TRPV1: variants seen among roughly 807,000 people sequenced by gnomAD.
TRPV1 encodes OTRPC1.
A neutral mutation model predicts 82.3 loss-of-function variants in TRPV1; 82 were observed. The observed-to-expected ratio is 1.00, with a 90% CI of 0.83 to 1.20. TRPV1 has a LOEUF of 1.20. TRPV1 is among the 50% of genes most tolerant of loss of function. TRPV1 has a pLI of 0.00. For synonymous variants in TRPV1, 515 were observed against 467.7 expected (o/e 1.10, Z -1.30); for missense variants, 1,067 against 1,096.8 (o/e 0.97, Z 0.38).
chr17:3,583,522 G>A, intron 9 of TRPV1, 92 bp from the exon 10 acceptor site: 1 of 1,061,998 alleles, frequency 9.4e-7, no homozygotes, highest in Non-Finnish European at 1.4e-6. Flanking sequence ...TCCCTGCCCA[G>A]GAGGCACAGC....
At chr17:3,583,831 C>T (rs993463112) in intron 9 of TRPV1, among the ~76,000 whole-genome samples, 2 of 152,244 alleles carry the variant, frequency 1.3e-5, no homozygotes, top group African/African-American at 2.4e-5. Context: ...CAGGGACTCC[C>T]ACTGACCATG....
At chr17:3,589,735 A>C in intron 7 of TRPV1, 72 bp downstream of exon 7, 5 of 1,511,936 alleles carry the variant, frequency 3.3e-6, no homozygotes, top group Non-Finnish European at 4.5e-6. Flanking sequence ...AGGCTCCCGC[A>C]GTGAGTCAGG....
At chr17:3,584,402 C>CAAGAAAAAAAAAAAAAA (rs2075057678) in intron 9 of TRPV1, among the ~76,000 whole-genome samples, 2 of 16,746 alleles carry the variant, frequency 1.2e-4, no homozygotes, top group African/African-American at 4.6e-4. Context: ...GACTCTGTCT[C>CAAGAAAAAAAAAAAAAA]AAAAAAAAAA....
intron 9 of TRPV1, among the ~76,000 whole-genome samples, chr17:3,584,483 A>G (rs923988995): frequency 1.3e-5 from 2 of 151,330 alleles, no homozygotes; most frequent in African/African-American, 2.4e-5. Context: ...GTTTCATGCA[A>G]TTATGAAGTT....
intron 2 of TRPV1, among the ~76,000 whole-genome samples, chr17:3,607,129 CCT>C (rs1196917942): frequency 6.6e-6 from 1 of 152,122 alleles, no homozygotes; most frequent in African/African-American, 2.4e-5. Flanking sequence ...AGGTGGATCA[CCT>C]GAGGTCAGGA....
intron 10 of TRPV1, among the ~76,000 whole-genome samples, chr17:3,581,690 T>C (rs1472364697): frequency 6.7e-6 from 1 of 149,228 alleles, no homozygotes; most frequent in Non-Finnish European, 1.5e-5. Flanking sequence ...ACCGAGACCA[T>C]CCTGGTTAAC....
At chr17:3,599,632 C>CTTTTTT (rs34701684) in intron 2 of TRPV1, among the ~76,000 whole-genome samples, 4,219 of 141,396 alleles carry the variant, frequency 0.03, 223 homozygotes, top group African/African-American at 0.097. Context: ...TTTTTCTTTT[C>CTTTTTT]TTTTTTTTTT....
chr17:3,586,220 T>C (rs161393), intron 8 of TRPV1, among the ~76,000 whole-genome samples: 48,195 of 152,010 alleles, frequency 0.32, 9,472 homozygotes, highest in East Asian at 0.77. Context: ...GCACTGCCCG[T>C]TGTGTCTAAT....
chr17:3,581,886 G>GA (rs36150459), intron 10 of TRPV1, among the ~76,000 whole-genome samples: 45 of 108,154 alleles, frequency 4.2e-4, no homozygotes, highest in African/African-American at 5.8e-4. Context: ...CTCCATCTCA[G>GA]AAAAAAAAAA....
chr17:3,580,377 C>A, intron 11 of TRPV1, 80 bp downstream of exon 11: 2 of 1,449,972 alleles, frequency 1.4e-6, no homozygotes, highest in Non-Finnish European at 1.9e-6. Context: ...GTGCCAGGCC[C>A]GGCGTGAGTG....
intron 2 of TRPV1, 44 bp from the exon 3 acceptor site, chr17:3,592,427 T>A: frequency 6.8e-7 from 1 of 1,479,762 alleles, no homozygotes; most frequent in Non-Finnish European, 9.0e-7. Flanking sequence ...AAGTAAGGAC[T>A]GCTTGTCCTT....
Position 3,600,261 on chromosome 17 carries a change from C to T in TRPV1, c.-33-7878G>A, listed in dbSNP as rs79350035. Among the ~76,000 whole-genome samples the T allele has an allele frequency of 5.3e-4, 80 of 152,252 alleles. 1 individual carries two copies. The East Asian group carries it at 0.014, about 26-fold the overall frequency. On this transcript the variant is annotated intron_variant, in intron 2 of 16. Coordinates refer to ENST00000572705, the MANE Select transcript of TRPV1 (RefSeq NM_080704.4). ...TCATGCTTCTTCTCCAGAACCATTG[C>T]CTTAGCCTCCAAAGTGATTTCTGCC...
Position 3,591,223 on chromosome 17 carries a change from T to C in TRPV1, c.415A>G (p.Lys139Glu). 1 of 1,612,696 alleles carries C rather than the reference T, an allele frequency of 6.2e-7. No individual in the cohort carries two copies. The highest frequency in any genetic ancestry group is 8.5e-7 in the Non-Finnish European group (1 of 1,179,540). Residue 139 changes from lysine (K) to glutamate (E), a missense_variant, in exon 4 of 17, where the codon AAG (lysine) becomes GAG (glutamate). Coordinates refer to ENST00000572705, the MANE Select transcript of TRPV1 (RefSeq NM_080704.4). ...TTGTCTGTGAGGTGCTTCTTGCTCT[T>C]CTGCAGGAAGAGCAGCAGGCTCTCC... is the stretch of plus-strand genomic sequence containing the variant. ...DLESLLLFLQ[K>E]SKKHLTDNEF...
Position 3,581,992 on chromosome 17 carries a change from C to T in TRPV1, c.1476+1346G>A, listed in dbSNP as rs904703904. Among the ~76,000 whole-genome samples the T allele has an allele frequency of 5.5e-5, 8 of 145,994 alleles. 1 individual carries two copies. The highest frequency in any genetic ancestry group is 9.0e-5 in the Non-Finnish European group (6 of 66,408). On this transcript the variant is annotated intron_variant, in intron 10 of 16. Transcript: ENST00000572705. ...GATCACGAGGTCAGGAGATCGAGAC[C>T]ATCCTGGCTAACACGGTGAAACCCC...
chr17:3,595,734 G>C lies in TRPV1; in HGVS notation c.-33-3351C>G, dbSNP rs11867691. The C allele has an allele frequency of 0.16, 24,291 of 152,280 alleles. 6,294 individuals are homozygous for C. The highest frequency in any genetic ancestry group is 0.55 in the African/African-American group (22,660 of 41,486). The allele number at this position is 152,280 out of a possible 1,614,324, so 9.4% of individuals were successfully genotyped here. ...CAGCGGCGTTGCCTTTTCCTCTGAC[G>C]GGTCCCAGTCCAACCAAACCCAGCC... is the stretch of plus-strand genomic sequence containing the variant. On this transcript the variant is annotated intron_variant, in intron 2 of 16. Transcript: ENST00000572705.
intron 14 of TRPV1, among the ~76,000 whole-genome samples, chr17:3,573,427 G>A (rs57405156): frequency 0.17 from 25,503 of 152,106 alleles, 2,683 homozygotes; most frequent in East Asian, 0.52. Flanking sequence ...CTGGATCCCC[G>A]GGCCTGGCCG....
intron 8 of TRPV1, among the ~76,000 whole-genome samples, chr17:3,587,359 GC>G (rs1273815063): frequency 6.6e-6 from 1 of 152,180 alleles, no homozygotes; most frequent in Non-Finnish European, 1.5e-5. Flanking sequence ...ACAGACTCTA[GC>G]CCCCAAGTCT....
At chr17:3,577,855 G>A in intron 11 of TRPV1, 92 bp from the exon 12 acceptor site, 1 of 1,266,438 alleles carries the variant, frequency 7.9e-7, no homozygotes, top group South Asian at 1.4e-5. Flanking sequence ...CAGAGGTCCA[G>A]ACTGCAGGCC....
chr17:3,581,757 C>T (rs367815053), intron 10 of TRPV1, among the ~76,000 whole-genome samples: 12,259 of 136,714 alleles, frequency 0.09, 959 homozygotes, highest in East Asian at 0.43. Flanking sequence ...CGGTGGCACG[C>T]ACCTGTAGTC....
Sources: gnomAD v4.1 joint callset for allele counts (sites outside exome capture counted in the v4.1 genomes callset) on GRCh38, gnomAD v4.1.1 for gene constraint, MANE v1.5 for transcripts, NCBI Gene and HGNC (gene_info 2026-07-23, HGNC 2026-07-21) for gene names.